ANXA4: variants seen among roughly 807,000 people sequenced by gnomAD.
ANXA4 encodes annexin A4, also known as 35-beta calcimedin.
A neutral mutation model predicts 49.8 loss-of-function variants in ANXA4; 39 were observed. The observed-to-expected ratio is 0.78, with a 90% CI of 0.61 to 1.02. ANXA4 has a LOEUF of 1.02. Among genes scored for constraint, ANXA4 ranks in the 50% least tolerant of loss-of-function variants. ANXA4 has a pLI of 0.00. For synonymous variants in ANXA4, 134 were observed against 152.5 expected, an observed-to-expected ratio of 0.88 and a Z score of 0.89; for missense variants, 360 against 410.1, an observed-to-expected ratio of 0.88 and a Z score of 1.05.
At chr2:69,727,215 A>G (rs529126224) in intron 3 of ANXA4, among the ~76,000 whole-genome samples, 1 of 152,346 alleles carries the variant, frequency 6.6e-6, no homozygotes, top group South Asian at 2.1e-4. Context: ...TTCGGTTATT[A>G]GTTATTACAA....
At chr2:69,745,212 G>A (rs954587596) in intron 1 of ANXA4, among the ~76,000 whole-genome samples, 2 of 152,318 alleles carry the variant, frequency 1.3e-5, no homozygotes, top group East Asian at 3.9e-4. Flanking sequence ...CTCGCTCTTT[G>A]AGGTGTTTGG....
intron 1 of ANXA4, among the ~76,000 whole-genome samples, chr2:69,646,475 T>C (rs916477381): frequency 6.6e-6 from 1 of 152,140 alleles, no homozygotes; most frequent in Admixed American, 6.5e-5. Flanking sequence ...GCTATCTGAT[T>C]AAGGTGGAAA....
At chr2:69,713,045 C>T (rs565464205) in intron 2 of ANXA4, among the ~76,000 whole-genome samples, 5 of 152,140 alleles carry the variant, frequency 3.3e-5, no homozygotes, top group Non-Finnish European at 7.3e-5. Context: ...TCACTTTATA[C>T]AACACCACAC....
intron 2 of ANXA4, among the ~76,000 whole-genome samples, chr2:69,670,211 A>C (rs1472432338): frequency 6.6e-6 from 1 of 152,110 alleles, no homozygotes; most frequent in Non-Finnish European, 1.5e-5. Context: ...AAGTCGAAGC[A>C]GGTGGATCAC....
intron 2 of ANXA4, among the ~76,000 whole-genome samples, chr2:69,783,413 C>G (rs1672282628): frequency 6.6e-6 from 1 of 152,134 alleles, no homozygotes; most frequent in South Asian, 2.1e-4. Context: ...GACAGGGTTT[C>G]ACTGTGTTGG....
At chr2:69,738,831 C>T (rs115970053), upstream of ANXA4, among the ~76,000 whole-genome samples, 8,162 of 152,104 alleles carry the variant, frequency 0.054, 679 homozygotes, top group African/African-American at 0.18. Flanking sequence ...TCCAGACTGG[C>T]CCATCTGCCA....
chr2:69,720,890 G>A (rs779886183), intron 3 of ANXA4: 2 of 152,308 alleles, frequency 1.3e-5, no homozygotes, highest in Non-Finnish European at 1.5e-5. Flanking sequence ...GGAGAGACAT[G>A]CAGAGCAAAG....
chr2:69,675,828 C>A (rs1316803113), intron 2 of ANXA4, among the ~76,000 whole-genome samples: 1 of 151,956 alleles, frequency 6.6e-6, no homozygotes, highest in Non-Finnish European at 1.5e-5. Context: ...TCAAGACCAT[C>A]CTGGCTAACA....
In ANXA4 at chr2:69,716,610, C is replaced by G. The variant is rs540503889; in HGVS notation, n.767-4164C>G. On this transcript the variant is annotated intron_variant and non_coding_transcript_variant, in intron 2 of 3. Transcript: ENST00000418066. The stretch of plus-strand genomic sequence containing the variant: ...GTTTCAAGCAGTGGTGTGACATGCT[C>G]AAGCTCGTTTTGAGAAGATCACTCG... Among the ~76,000 whole-genome samples, 29 of 152,166 alleles carry G rather than the reference C, an allele frequency of 1.9e-4. 1 individual carries two copies. In the South Asian group the frequency reaches 5.8e-3, roughly 31 times the overall value.
At chr2:69,825,385 G>C (rs895323853) in intron 12 of ANXA4, 71 bp from the exon 13 acceptor site, 113 of 1,304,714 alleles carry the variant, frequency 8.7e-5, no homozygotes, top group Middle Eastern at 1.8e-4. Context: ...GAAAAAGTTG[G>C]CTTAGATGAC....
chr2:69,743,047 C>A (rs750276239), intron 1 of ANXA4, among the ~76,000 whole-genome samples: 1 of 152,164 alleles, frequency 6.6e-6, no homozygotes, highest in African/African-American at 2.4e-5. Flanking sequence ...AGGTCTCACT[C>A]CTGTAGCCCA....
chr2:69,718,737 GCA>G lies in ANXA4; in HGVS notation n.767-2030_767-2029del, dbSNP rs572019673. ...CATGCACACACATGCATACACAAATGCACACACATACATGCATACACACACAT... is the reference window on the plus strand; with the variant it reads ...CATGCACACACATGCATACACAAATGCACACATACATGCATACACACACAT... On this transcript the variant is annotated intron_variant and non_coding_transcript_variant, in intron 2 of 3. Coordinates refer to the ANXA4 transcript ENST00000418066. 5.4e-3 allele frequency among the ~76,000 whole-genome samples: 817 copies of G among 150,744 alleles called. 9 individuals carry two copies. Among genetic ancestry groups the G allele is most frequent in the African/African-American group, 0.019 (774 of 40,580 alleles).
chr2:69,680,115 C>T (rs530205790), intron 2 of ANXA4, among the ~76,000 whole-genome samples: 41 of 152,006 alleles, frequency 2.7e-4, no homozygotes, highest in Non-Finnish European at 4.6e-4. Flanking sequence ...ATTTTAAGAG[C>T]GTTAATTCTT....
chr2:69,665,225 G>A (rs948848655), intron 2 of ANXA4, among the ~76,000 whole-genome samples: 1 of 152,176 alleles, frequency 6.6e-6, no homozygotes. Flanking sequence ...ATAAGTACAT[G>A]AAACCACCGT....
chr2:69,748,469 CATTA>C (rs1670709606), intron 1 of ANXA4, among the ~76,000 whole-genome samples: 1 of 150,250 alleles, frequency 6.7e-6, no homozygotes, highest in Non-Finnish European at 1.5e-5. Context: ...CATTATTTTT[CATTA>C]ATTTTACATT....
chr2:69,700,795 G>T (rs1288479468), intron 2 of ANXA4, among the ~76,000 whole-genome samples: 1 of 152,126 alleles, frequency 6.6e-6, no homozygotes, highest in African/African-American at 2.4e-5. Context: ...AACATACTTG[G>T]CATATTTTTT....
chr2:69,713,800 T>C (rs969442686), intron 2 of ANXA4: 5 of 152,210 alleles, frequency 3.3e-5, no homozygotes, highest in African/African-American at 9.7e-5. Context: ...CTTAACAGTT[T>C]AGGACTTTGA....
chr2:69,816,885 C>A (rs1015928450), intron 9 of ANXA4: 2 of 152,218 alleles, frequency 1.3e-5, no homozygotes, highest in African/African-American at 2.4e-5. Flanking sequence ...CTTTTAATCA[C>A]ACACACTGAT....
intron 1 of ANXA4, among the ~76,000 whole-genome samples, chr2:69,651,864 G>A (rs1194077433): frequency 4.2e-5 from 6 of 143,508 alleles, no homozygotes; most frequent in Non-Finnish European, 9.1e-5. Flanking sequence ...TGACCAGGCT[G>A]GAGTGCAGTG....
Sources: gnomAD v4.1 joint callset for allele counts (sites outside exome capture counted in the v4.1 genomes callset) on GRCh38, gnomAD v4.1.1 for gene constraint, MANE v1.5 for transcripts, NCBI Gene and HGNC (gene_info 2026-07-23, HGNC 2026-07-21) for gene names.